FGF13: variants seen among roughly 807,000 people sequenced by gnomAD.
FGF13 encodes the protein fibroblast growth factor 13, also known as fibroblast growth factor homologous factor 2.
FGF13 carries 2 observed loss-of-function variants against 19.5 expected under a neutral mutation model. The observed-to-expected ratio is 0.10, with a 90% CI of 0.04 to 0.32. FGF13 has a LOEUF of 0.32. Ranked by LOEUF, FGF13 falls within the 10% of genes least tolerant of loss-of-function variation. The pLI is 1.00. For missense variants in FGF13, 113 were observed against 192.7 expected (o/e 0.59, Z 2.45); for synonymous variants, 72 against 76.9 (o/e 0.94, Z 0.33).
chrX:138,842,504 C>G (rs1255309032), intron 3 of FGF13, among the ~76,000 whole-genome samples: 1 of 111,086 alleles, frequency 9.0e-6, no homozygotes, highest in Non-Finnish European at 1.9e-5. Flanking sequence ...GTTGAAACTA[C>G]TACCTTAGTA....
intron 3 of FGF13, among the ~76,000 whole-genome samples, chrX:138,764,416 T>C (rs957469928): frequency 2.7e-5 from 3 of 112,816 alleles, no homozygotes; most frequent in Admixed American, 1.9e-4. Flanking sequence ...GCATACACTC[T>C]AGTGTAGGCT....
chrX:138,904,245 A>G (rs887916454), intron 1 of FGF13, among the ~76,000 whole-genome samples: 17 of 111,631 alleles, frequency 1.5e-4, no homozygotes, highest in Non-Finnish European at 3.0e-4. Flanking sequence ...TAAGATTTCA[A>G]AGAAGCACTT....
chrX:139,156,527 G>A lies in FGF13; in HGVS notation c.-113+46889C>T, dbSNP rs186590376. On this transcript the variant is annotated intron_variant, in intron 1 of 2. Transcript: ENST00000421460. Reference sequence around the variant, plus strand: ...AATAAGCAAGGAGTCTTATTGGTAAGGCCCATGTGGCAAGAAACTGAGTGT... The same window carrying A: ...AATAAGCAAGGAGTCTTATTGGTAAAGCCCATGTGGCAAGAAACTGAGTGT... Among the ~76,000 whole-genome samples the A allele has an allele frequency of 4.4e-5, 5 of 112,672 alleles. No individual in the cohort carries two copies. The Admixed American group carries it at 4.7e-4, about 11-fold the overall frequency.
chrX:138,690,408 G>T lies in FGF13; in HGVS notation c.402+12576C>A, dbSNP rs909093845. On this transcript the variant is annotated intron_variant, in intron 3 of 4. Transcript: ENST00000315930. Reference sequence around the variant, plus strand: ...GAACTTGAAATTATAGAAAAATGGAGGGAAATATATCCCTGTGTCATTGGC... The same window carrying T: ...GAACTTGAAATTATAGAAAAATGGATGGAAATATATCCCTGTGTCATTGGC... Among the ~76,000 whole-genome samples the T allele has an allele frequency of 5.4e-5, 6 of 110,796 alleles. No individual in the cohort carries two copies. In the Admixed American group the frequency reaches 5.8e-4, roughly 11 times the overall value.
At chrX:138,878,919 T>C (rs982387147) in intron 1 of FGF13, among the ~76,000 whole-genome samples, 11 of 112,093 alleles carry the variant, frequency 9.8e-5, no homozygotes, top group African/African-American at 3.3e-4. Context: ...GAGCATTTTT[T>C]CATGTGTTTT....
chrX:138,661,298 C>A (rs1290582829), intron 3 of FGF13, among the ~76,000 whole-genome samples: 1 of 112,122 alleles, frequency 8.9e-6, no homozygotes, highest in African/African-American at 3.2e-5. Flanking sequence ...ATACCTGGTG[C>A]TCCTCTACAA....
chrX:139,166,139 G>A (rs1221643221), intron 1 of FGF13, among the ~76,000 whole-genome samples: 13 of 111,275 alleles, frequency 1.2e-4, no homozygotes, highest in African/African-American at 4.3e-4. Context: ...ATATGGTTTG[G>A]CTGTGTCCCC....
intron 1 of FGF13, among the ~76,000 whole-genome samples, chrX:138,929,748 T>C (rs2091692016): frequency 9.0e-6 from 1 of 110,585 alleles, no homozygotes; most frequent in African/African-American, 3.3e-5. Flanking sequence ...CACAGCTCCT[T>C]TGTTGGCTGC....
chrX:138,954,991 C>G (rs752348399), intron 1 of FGF13, among the ~76,000 whole-genome samples: 1 of 112,465 alleles, frequency 8.9e-6, no homozygotes, highest in South Asian at 3.7e-4. Flanking sequence ...CTTTACAACT[C>G]CCTGCATCAG....
At chrX:138,963,527 C>T (rs146410336) in intron 1 of FGF13, among the ~76,000 whole-genome samples, 2,782 of 112,122 alleles carry the variant, frequency 0.025, 93 homozygotes, top group African/African-American at 0.085. Flanking sequence ...CTAACTTGGG[C>T]TGTCAGACTT....
chrX:138,878,885 G>A (rs1258593885), intron 1 of FGF13, among the ~76,000 whole-genome samples: 1 of 111,564 alleles, frequency 9.0e-6, no homozygotes, highest in African/African-American at 3.3e-5. Context: ...TTTTATTTGC[G>A]TTTCTCTGAT....
intron 3 of FGF13, among the ~76,000 whole-genome samples, chrX:138,642,699 T>C (rs774381261): frequency 8.9e-6 from 1 of 112,470 alleles, no homozygotes; most frequent in Non-Finnish European, 1.9e-5. Flanking sequence ...TGTACATGAA[T>C]TACACTTTGT....
Position 139,028,688 on chromosome X carries a change from AGTGT to A in FGF13, c.-112-164042_-112-164039del, listed in dbSNP as rs781223523. ...GAAAGAGAGAGTGTGTGTGAAAGAC[AGTGT>A]GTGTGTGTGTGTGTGTGAGAGAGAG... On this transcript the variant is annotated intron_variant, in intron 1 of 2. Transcript: ENST00000421460. 9.9e-5 allele frequency among the ~76,000 whole-genome samples: 8 copies of A among 80,690 alleles called. 1 individual carries two copies. The highest frequency in any genetic ancestry group is 3.7e-4 in the African/African-American group (7 of 18,670). 70.1% of individuals were successfully genotyped at this position (80,690 alleles called of 115,157 possible). A position where few individuals can be genotyped will look rare whatever the true frequency, so the allele number is the denominator to read the frequency against.
upstream of FGF13, chrX:138,716,667 A>C (rs939366866): frequency 1.3e-4 from 15 of 112,669 alleles, no homozygotes; most frequent in African/African-American, 4.8e-4. Flanking sequence ...AAATCTTGTT[A>C]GTGTCACACT....
chrX:138,880,035 C>T (rs759046375), intron 1 of FGF13, among the ~76,000 whole-genome samples: 2 of 112,269 alleles, frequency 1.8e-5, no homozygotes, highest in East Asian at 2.8e-4. Flanking sequence ...TAAACAGACA[C>T]TTCTTAAAAG....
At chrX:138,815,964 C>CTACA (rs2124050303) in intron 3 of FGF13, among the ~76,000 whole-genome samples, 1 of 110,457 alleles carries the variant, frequency 9.1e-6, no homozygotes, top group East Asian at 2.9e-4. Flanking sequence ...TTAAATCTGA[C>CTACA]TACATAGCAA....
At chrX:138,778,681 C>G (rs1307892565) in intron 3 of FGF13, among the ~76,000 whole-genome samples, 1 of 111,994 alleles carries the variant, frequency 8.9e-6, no homozygotes, top group Non-Finnish European at 1.9e-5. Flanking sequence ...CACGGAGTCT[C>G]GCTGATTGCT....
At chrX:139,005,213 T>G (rs868507538) in intron 1 of FGF13, among the ~76,000 whole-genome samples, 1 of 29,709 alleles carries the variant, frequency 3.4e-5, no homozygotes, top group Non-Finnish European at 6.7e-5. Flanking sequence ...CCCCCCCAGC[T>G]CCAGGTGGTA....
At chrX:138,950,642 C>T (rs1410472170) in intron 1 of FGF13, among the ~76,000 whole-genome samples, 4 of 112,097 alleles carry the variant, frequency 3.6e-5, no homozygotes, top group African/African-American at 1.3e-4. Flanking sequence ...AAAAGCATTA[C>T]ATGTATTCCT....
Sources: gnomAD v4.1 joint callset for allele counts (sites outside exome capture counted in the v4.1 genomes callset) on GRCh38, gnomAD v4.1.1 for gene constraint, MANE v1.5 for transcripts, NCBI Gene and HGNC (gene_info 2026-07-23, HGNC 2026-07-21) for gene names.